PRKD1: variants seen among roughly 807,000 people sequenced by gnomAD.
PRKD1 encodes the protein protein kinase D1.
Under a neutral mutation model 95.9 loss-of-function variants are expected in PRKD1, and 63 were observed. That is an observed-to-expected ratio of 0.66 (90% CI 0.54 to 0.81). The LOEUF (loss-of-function observed/expected upper bound fraction) is 0.81, where lower values mean the gene tolerates loss of function less well. PRKD1 is among the 30% of genes least tolerant of loss of function. The probability of loss-of-function intolerance (pLI) is 0.00; values close to 1 mark genes in which losing one functional copy is unlikely to be tolerated. For missense variants in PRKD1, 1,048 were observed against 1,165.3 expected (o/e 0.90, Z 1.47); for synonymous variants, 425 against 423.1 (o/e 1.00, Z -0.05).
At position 29,826,832 on chromosome 14, in the gene PRKD1, T is replaced by TACAC. The variant is rs1566623132; in HGVS notation, c.264+100416_264+100417insGTGT. Among the ~76,000 whole-genome samples the TACAC allele has an allele frequency of 4.5e-4, 13 of 28,764 alleles. 1 individual carries two copies. The highest frequency in any genetic ancestry group is 1.7e-3 in the South Asian group (1 of 602). The allele number at this position is 28,764 out of a possible 152,430, so 18.9% of individuals were successfully genotyped here. The stretch of plus-strand genomic sequence containing the variant: ...ATATATACACATATATATATATATA[T>TACAC]ATATATACACACATATATATATATA... On this transcript the variant is annotated intron_variant, in intron 1 of 17. Coordinates refer to ENST00000331968, the MANE Select transcript of PRKD1 (RefSeq NM_002742.3).
intron 7 of PRKD1, among the ~76,000 whole-genome samples, chr14:29,635,041 A>G (rs1880279172): frequency 6.6e-6 from 1 of 152,044 alleles, no homozygotes; most frequent in South Asian, 2.1e-4. Context: ...CTGAAAAAAA[A>G]AAAAATTCCC....
At chr14:29,629,870 T>G (rs1879867756) in intron 10 of PRKD1, among the ~76,000 whole-genome samples, 1 of 152,018 alleles carries the variant, frequency 6.6e-6, no homozygotes, top group Non-Finnish European at 1.5e-5. Flanking sequence ...TAGGGAAACT[T>G]ATTAATTCAG....
At chr14:29,809,450 T>C (rs1041388900) in intron 1 of PRKD1, among the ~76,000 whole-genome samples, 13 of 152,228 alleles carry the variant, frequency 8.5e-5, no homozygotes, top group African/African-American at 2.7e-4. Flanking sequence ...TTTGTCTTCA[T>C]TGAAAATCTG....
intron 13 of PRKD1, 105 bp from the exon 14 acceptor site, chr14:29,599,922 C>T (rs2139015266): frequency 2.0e-6 from 2 of 1,024,202 alleles, no homozygotes; most frequent in East Asian, 5.4e-5. Context: ...ATAGAGAAAC[C>T]CACACTTAAG....
intron 3 of PRKD1, 72 bp downstream of exon 3, chr14:29,666,005 A>T: frequency 2.8e-6 from 4 of 1,444,866 alleles, no homozygotes; most frequent in Non-Finnish European, 3.7e-6. Flanking sequence ...TATCTTTGCA[A>T]TTGTGAATTC....
chr14:29,776,333 G>A (rs942298486), intron 1 of PRKD1, among the ~76,000 whole-genome samples: 3 of 152,014 alleles, frequency 2.0e-5, no homozygotes, highest in Non-Finnish European at 2.9e-5. Context: ...GGCTTCAGAC[G>A]ATCAAACTTC....
chr14:29,606,726 A>T (rs1472753948), intron 13 of PRKD1, among the ~76,000 whole-genome samples: 1 of 152,216 alleles, frequency 6.6e-6, no homozygotes, highest in Non-Finnish European at 1.5e-5. Flanking sequence ...CATTGTCCTG[A>T]GGATGAGAAT....
At chr14:29,724,191 A>G (rs978631105) in intron 2 of PRKD1, among the ~76,000 whole-genome samples, 2 of 152,212 alleles carry the variant, frequency 1.3e-5, no homozygotes, top group African/African-American at 2.4e-5. Context: ...CTTGATAACA[A>G]AAGTAAAATG....
chr14:29,656,616 T>C (rs530206692), intron 4 of PRKD1: 3 of 1,204,190 alleles, frequency 2.5e-6, no homozygotes, highest in South Asian at 2.6e-5. Context: ...TAATGTTTCA[T>C]ATAGGCATGC....
intron 4 of PRKD1, among the ~76,000 whole-genome samples, chr14:29,662,432 A>G (rs991374795): frequency 1.3e-5 from 2 of 152,140 alleles, no homozygotes; most frequent in Non-Finnish European, 2.9e-5. Context: ...TCATGGAATA[A>G]TATATGATCA....
At chr14:29,840,303 G>T (rs144216257) in intron 1 of PRKD1, among the ~76,000 whole-genome samples, 2 of 152,276 alleles carry the variant, frequency 1.3e-5, no homozygotes, top group East Asian at 3.9e-4. Context: ...CATAGGAAGA[G>T]TCACCTTTGC....
chr14:29,777,852 C>G (rs893375214), intron 1 of PRKD1, among the ~76,000 whole-genome samples: 4 of 152,178 alleles, frequency 2.6e-5, no homozygotes, highest in African/African-American at 9.7e-5. Context: ...TTCTTCTCAG[C>G]ACCACATCAC....
chr14:29,877,274 G>C (rs74723015), intron 1 of PRKD1, among the ~76,000 whole-genome samples: 10,253 of 152,270 alleles, frequency 0.067, 507 homozygotes, highest in East Asian at 0.23. Flanking sequence ...TGTTGCAGCT[G>C]CTATGGGAAA....
intron 13 of PRKD1, among the ~76,000 whole-genome samples, chr14:29,620,645 A>T (rs1187540268): frequency 6.6e-6 from 1 of 151,718 alleles, no homozygotes; most frequent in Non-Finnish European, 1.5e-5. Flanking sequence ...CACACCAGTT[A>T]GAATGGCAAT....
intron 13 of PRKD1, among the ~76,000 whole-genome samples, chr14:29,608,746 T>G (rs45609141): frequency 0.038 from 5,843 of 152,250 alleles, 399 homozygotes; most frequent in African/African-American, 0.13. Flanking sequence ...TTATATCACA[T>G]GAAAATTCTC....
At chr14:29,759,742 T>C (rs541193545) in intron 1 of PRKD1, among the ~76,000 whole-genome samples, 2 of 152,228 alleles carry the variant, frequency 1.3e-5, no homozygotes, top group South Asian at 4.1e-4. Context: ...GAAACTGGCA[T>C]TGTGCGCAGT....
intron 1 of PRKD1, among the ~76,000 whole-genome samples, chr14:29,893,328 A>G (rs923755089): frequency 1.3e-5 from 2 of 151,956 alleles, no homozygotes; most frequent in Non-Finnish European, 2.9e-5. Context: ...GTTAATAACC[A>G]AAGTTATTCT....
intron 2 of PRKD1, among the ~76,000 whole-genome samples, chr14:29,690,724 T>C (rs1312513721): frequency 6.6e-6 from 1 of 152,228 alleles, no homozygotes; most frequent in Non-Finnish European, 1.5e-5. Flanking sequence ...TCTTCTAACC[T>C]TGGGACTCCT....
intron 1 of PRKD1, among the ~76,000 whole-genome samples, chr14:29,742,216 G>T (rs1327300281): frequency 1.3e-5 from 2 of 152,170 alleles, no homozygotes; most frequent in Non-Finnish European, 2.9e-5. Context: ...GGAAAAAAAT[G>T]CTGTAGCATG....
Sources: allele counts gnomAD v4.1 joint callset (sites outside exome capture counted in the v4.1 genomes callset), GRCh38; gene constraint gnomAD v4.1.1; transcripts MANE v1.5; gene names NCBI Gene and HGNC (gene_info 2026-07-23, HGNC 2026-07-21).